CTNNBIP1: variants seen among roughly 807,000 people sequenced by gnomAD.
CTNNBIP1 encodes the protein catenin beta interacting protein 1, also known as beta-catenin-interacting protein 1.
A neutral mutation model predicts 11.8 loss-of-function variants in CTNNBIP1; 7 were observed. The observed-to-expected ratio is 0.60, with a 90% CI of 0.34 to 1.12. CTNNBIP1 has a LOEUF of 1.12. CTNNBIP1 is among the 50% of genes most tolerant of loss of function. The probability of loss-of-function intolerance (pLI) is 0.03; values close to 1 mark genes in which losing one functional copy is unlikely to be tolerated. For synonymous variants in CTNNBIP1, 58 were observed against 43.9 expected, an observed-to-expected ratio of 1.32 and a Z score of -1.26; for missense variants, 101 against 113.4, an observed-to-expected ratio of 0.89 and a Z score of 0.50.
intron 1 of CTNNBIP1, among the ~76,000 whole-genome samples, chr1:9,900,305 G>A (rs1639497004): frequency 6.6e-6 from 1 of 152,248 alleles, no homozygotes; most frequent in African/African-American, 2.4e-5. Flanking sequence ...CGAGATGGGA[G>A]GATCACTTGA....
rs940037632 is a variant in CTNNBIP1, at chr1:9,867,859, G to A, written c.187+3328C>T. On this transcript the variant is annotated intron_variant, in intron 5 of 5. Coordinates refer to ENST00000377263, the MANE Select transcript of CTNNBIP1 (RefSeq NM_020248.3). The surrounding 1 kb of genome is among the most constrained non-coding windows in gnomAD (Gnocchi z 4.6). Reference sequence around the variant, plus strand: ...CAGCATCAGCTGAGATTGGCTCTGCGATGGAGAAGGTGGGCAGGTGAGATT... The same window carrying A: ...CAGCATCAGCTGAGATTGGCTCTGCAATGGAGAAGGTGGGCAGGTGAGATT... Among the ~76,000 whole-genome samples, 3 of 152,218 alleles carry A rather than the reference G, an allele frequency of 2.0e-5. No homozygotes were observed. The highest frequency in any genetic ancestry group is 4.4e-5 in the Non-Finnish European group (3 of 68,036).
chr1:9,882,805 G>C (rs1639111539), intron 2 of CTNNBIP1, among the ~76,000 whole-genome samples: 1 of 152,192 alleles, frequency 6.6e-6, no homozygotes, highest in Non-Finnish European at 1.5e-5. Flanking sequence ...TGGACAGCTG[G>C]GACTGAGAAG....
rs549862514 is a variant in CTNNBIP1 at position 9,867,080 on chromosome 1, T to C, written c.187+4107A>G. On this transcript the variant is annotated intron_variant, in intron 5 of 5. Coordinates refer to ENST00000377263, the MANE Select transcript of CTNNBIP1 (RefSeq NM_020248.3). The surrounding 1 kb of genome is among the most constrained non-coding windows in gnomAD (Gnocchi z 4.6). The stretch of plus-strand genomic sequence containing the variant: ...ACAGTCAGCTGGCTATGTTCTCTGT[T>C]GAGATCACAGCACTGCGTGTGGAAC... Among the ~76,000 whole-genome samples, 73 of 152,246 alleles carry C rather than the reference T, an allele frequency of 4.8e-4. No homozygotes were observed. Among genetic ancestry groups the C allele is most frequent in the African/African-American group, 1.7e-3 (70 of 41,554 alleles).
intron 1 of CTNNBIP1, among the ~76,000 whole-genome samples, chr1:9,895,959 A>G (rs927751303): frequency 2.0e-5 from 3 of 152,150 alleles, no homozygotes; most frequent in African/African-American, 7.2e-5. Flanking sequence ...ACCAAGTAGT[A>G]TCTTTGATAT....
At chr1:9,905,862 G>C (rs1639610695) in intron 1 of CTNNBIP1, among the ~76,000 whole-genome samples, 1 of 152,136 alleles carries the variant, frequency 6.6e-6, no homozygotes, top group South Asian at 2.1e-4. Flanking sequence ...CCGCAACAGT[G>C]CCTAGCACAT....
intron 1 of CTNNBIP1, among the ~76,000 whole-genome samples, chr1:9,905,954 A>C (rs1639612283): frequency 6.6e-6 from 1 of 152,238 alleles, no homozygotes; most frequent in Admixed American, 6.5e-5. Context: ...GAGTAGACAA[A>C]AAGAGACAAA....
At chr1:9,859,115 C>T (rs944980150) in intron 5 of CTNNBIP1, among the ~76,000 whole-genome samples, 6 of 152,156 alleles carry the variant, frequency 3.9e-5, no homozygotes, top group African/African-American at 1.2e-4. Context: ...CCCCCTGCCC[C>T]CAACTGGTCC....
chr1:9,863,022 AAAC>A (rs1638665680), intron 5 of CTNNBIP1, among the ~76,000 whole-genome samples: 1 of 152,204 alleles, frequency 6.6e-6, no homozygotes, highest in Non-Finnish European at 1.5e-5. Context: ...TCTCAGTTCT[AAAC>A]AACAGAACCC....
intron 5 of CTNNBIP1, among the ~76,000 whole-genome samples, chr1:9,852,180 T>TC (rs1485986502): frequency 6.6e-6 from 1 of 151,906 alleles, no homozygotes; most frequent in Non-Finnish European, 1.5e-5. Flanking sequence ...GAGCCGGGTC[T>TC]CCCCCACAGC....
intron 1 of CTNNBIP1, among the ~76,000 whole-genome samples, chr1:9,887,045 C>T (rs374045733): frequency 2.6e-5 from 4 of 152,214 alleles, no homozygotes; most frequent in African/African-American, 9.6e-5. Context: ...CAGGCCACAG[C>T]CCCATTCTTA....
intron 1 of CTNNBIP1, among the ~76,000 whole-genome samples, chr1:9,901,512 C>T (rs906636315): frequency 6.6e-6 from 1 of 152,044 alleles, no homozygotes; most frequent in Non-Finnish European, 1.5e-5. Context: ...GGTGGTTATT[C>T]GGTTCAGGTC....
chr1:9,866,107 A>C (rs1329976093), intron 5 of CTNNBIP1, among the ~76,000 whole-genome samples: 2 of 152,260 alleles, frequency 1.3e-5, no homozygotes, highest in Non-Finnish European at 2.9e-5. Flanking sequence ...CCACAGTTCC[A>C]AGCTCAAGGA....
intron 1 of CTNNBIP1, among the ~76,000 whole-genome samples, chr1:9,902,561 G>C (rs1353303300): frequency 1.3e-5 from 2 of 152,030 alleles, no homozygotes; most frequent in Non-Finnish European, 2.9e-5. Context: ...TGCTCTTCTG[G>C]AAAGCCAACC....
In CTNNBIP1 at chr1:9,871,223, G is replaced by T; in HGVS notation, c.151C>A (p.Gln51Lys). The T allele has an allele frequency of 6.3e-7, 1 of 1,581,562 alleles. No homozygotes were observed. Among genetic ancestry groups the T allele is most frequent in the Non-Finnish European group, 8.6e-7 (1 of 1,164,626 alleles). The part of the protein sequence containing the change: ...LRTYAGVVNS[Q>K]LSQLPPHSID... ...GAGTGCGGAGGCAGCTGGCTGAGCT[G>T]GCTGTTGACCACCCCTGCATAGGTG... The change falls in exon 5 of 6, where the codon CAG becomes AAG. Residue 51 changes from glutamine (Q) to lysine (K), a missense_variant. By Grantham distance (53) the Gln-to-Lys change is moderately conservative (BLOSUM62 1). Coordinates refer to ENST00000377263, the MANE Select transcript of CTNNBIP1 (RefSeq NM_020248.3). The surrounding 1 kb of genome is among the most constrained non-coding windows in gnomAD (Gnocchi z 5.2).
At chr1:9,873,929 G>A (rs1195759960) in intron 3 of CTNNBIP1, among the ~76,000 whole-genome samples, 1 of 152,072 alleles carries the variant, frequency 6.6e-6, no homozygotes, top group Non-Finnish European at 1.5e-5. Flanking sequence ...TGTAGAGACA[G>A]GGTCTTGCTA....
chr1:9,864,585 C>T (rs1025569842), intron 5 of CTNNBIP1, among the ~76,000 whole-genome samples: 2 of 152,162 alleles, frequency 1.3e-5, no homozygotes, highest in Non-Finnish European at 2.9e-5. Context: ...ACCTTGGCCT[C>T]CGAAAGTGCT....
chr1:9,850,842 AGGAGGCTGCGGCCAAGCT>A, intron 5 of CTNNBIP1, 66 bp from the exon 6 acceptor site: 2 of 1,513,952 alleles, frequency 1.3e-6, no homozygotes, highest in Non-Finnish European at 1.8e-6. Context: ...AGGACAAGCA[AGGAGGCTGCGGCCAAGCT>A]GGAGCCCCCG....
In CTNNBIP1 at chr1:9,850,151, C is replaced by G. The variant is rs566462998; in HGVS notation, c.*567G>C. 6.5e-6 allele frequency: 1 copy of G among 152,714 alleles called. No homozygotes were observed. 9.5% of individuals were successfully genotyped at this position (152,714 alleles called of 1,614,324 possible). On this transcript the variant is annotated 3_prime_UTR_variant, in exon 6 of 6. Transcript: ENST00000377263. The stretch of plus-strand genomic sequence containing the variant: ...TCTTTGTGTAATAAATATTGCAAAG[C>G]GCACTTGGTTTCTTTCTTTTCAAGT...
chr1:9,867,802 G>A lies in CTNNBIP1; in HGVS notation c.187+3385C>T, dbSNP rs1638779681. ...ACAATCCAGGGCTTCTTCCACCTAA[G>A]CAGTGTCTGAGCCTCTGACAGCAGG... On this transcript the variant is annotated intron_variant, in intron 5 of 5. Transcript: ENST00000377263. The surrounding 1 kb of genome is among the most constrained non-coding windows in gnomAD (Gnocchi z 4.6). Among the ~76,000 whole-genome samples the A allele has an allele frequency of 6.6e-6, 1 of 152,206 alleles. No individual in the cohort carries two copies. Among genetic ancestry groups the A allele is most frequent in the Non-Finnish European group, 1.5e-5 (1 of 68,036 alleles).
Sources: allele counts gnomAD v4.1 joint callset (sites outside exome capture counted in the v4.1 genomes callset), GRCh38; gene constraint gnomAD v4.1.1; non-coding constraint Gnocchi (gnomAD v3.1); transcripts MANE v1.5; gene names NCBI Gene and HGNC (gene_info 2026-07-23, HGNC 2026-07-21).